Variants in PAH observed in about 807,000 individuals in gnomAD.
PAH encodes phenylalanine hydroxylase.
Under a neutral mutation model 62.0 loss-of-function variants are expected in PAH, and 64 were observed. That is an observed-to-expected ratio of 1.03 (90% CI 0.84 to 1.27). PAH has a LOEUF of 1.27. Ranked by LOEUF, PAH falls within the 50% of genes most tolerant of loss-of-function variation. The probability of loss-of-function intolerance (pLI) is 0.00; values close to 1 mark genes in which losing one functional copy is unlikely to be tolerated. For synonymous variants in PAH, 195 were observed against 196.2 expected, an observed-to-expected ratio of 0.99 and a Z score of 0.05; for missense variants, 579 against 542.8, an observed-to-expected ratio of 1.07 and a Z score of -0.66.
chr12:102,911,954 C>T (rs997781507), intron 2 of PAH, among the ~76,000 whole-genome samples: 5 of 152,180 alleles, frequency 3.3e-5, no homozygotes, highest in South Asian at 2.1e-4. Flanking sequence ...GCATAGTACT[C>T]GGAAGGAATC....
intron 3 of PAH, among the ~76,000 whole-genome samples, chr12:102,888,272 A>T (rs1253597909): frequency 2.0e-5 from 3 of 152,098 alleles, no homozygotes; most frequent in Non-Finnish European, 4.4e-5. Context: ...AACTTGGCCG[A>T]ACAGCTACAG....
At chr12:102,943,977 T>C (rs1879392425) in intron 1 of PAH, among the ~76,000 whole-genome samples, 1 of 152,170 alleles carries the variant, frequency 6.6e-6, no homozygotes, top group Non-Finnish European at 1.5e-5. Context: ...CAAACCCCTG[T>C]GATATAAAAT....
chr12:102,879,419 C>T (rs570263302), intron 3 of PAH, among the ~76,000 whole-genome samples: 1 of 151,620 alleles, frequency 6.6e-6, no homozygotes, highest in Middle Eastern at 3.4e-3. Flanking sequence ...AAATTCCCTC[C>T]GTGATCTAAA....
chr12:102,867,881 A>G (rs867107658), intron 4 of PAH, among the ~76,000 whole-genome samples: 1 of 145,016 alleles, frequency 6.9e-6, no homozygotes, highest in Non-Finnish European at 1.5e-5. Flanking sequence ...GTATATATAC[A>G]TGTATATACA....
Position 102,838,972 on chromosome 12 carries a change from G to T in PAH, c.*203C>A. The T allele has an allele frequency of 1.7e-6, 1 of 594,892 alleles. No homozygotes were observed. Among genetic ancestry groups the T allele is most frequent in the Admixed American group, 2.9e-5 (1 of 34,354 alleles). The allele number at this position is 594,892 out of a possible 1,614,324, so 36.9% of individuals were successfully genotyped here. A position where few individuals can be genotyped will look rare whatever the true frequency, so the allele number is the denominator to read the frequency against. ...CTCTAAATCAAAGATGACCCCAAAA[G>T]ATTTACCATTATGCTCTTGAGTATG... is the stretch of plus-strand genomic sequence containing the variant. On this transcript the variant is annotated 3_prime_UTR_variant, in exon 13 of 13. Coordinates refer to ENST00000553106, the MANE Select transcript of PAH (RefSeq NM_000277.3).
intron 2 of PAH, among the ~76,000 whole-genome samples, chr12:102,899,653 A>T (rs1409426216): frequency 6.6e-6 from 1 of 151,218 alleles, no homozygotes; most frequent in Non-Finnish European, 1.5e-5. Flanking sequence ...AGGTCAGGAG[A>T]TCGAGACCAT....
chr12:102,933,613 C>A (rs1878995044), intron 1 of PAH, among the ~76,000 whole-genome samples: 1 of 151,684 alleles, frequency 6.6e-6, no homozygotes, highest in African/African-American at 2.4e-5. Context: ...AGTTCCTTTG[C>A]CTGTATTTTG....
At chr12:102,924,644 C>G (rs1878639218) in intron 1 of PAH, among the ~76,000 whole-genome samples, 1 of 152,146 alleles carries the variant, frequency 6.6e-6, no homozygotes, top group South Asian at 2.1e-4. Context: ...CAGAAGAAAA[C>G]TTGTTTCCAT....
chr12:102,855,342 A>G lies in PAH; in HGVS notation c.510-10T>C, dbSNP rs1256834291. ...AGGGATGGGCTGCCCACTAGAATAC[A>G]GGCACAAAATAGGTGTCTCAAGCAG... On this transcript the variant is annotated splice_polypyrimidine_tract_variant and intron_variant, in intron 5 of 12. Coordinates refer to ENST00000553106, the MANE Select transcript of PAH (RefSeq NM_000277.3). 4.3e-6 allele frequency: 7 copies of G among 1,613,636 alleles called. No homozygotes were observed. The highest frequency in any genetic ancestry group is 5.9e-6 in the Non-Finnish European group (7 of 1,179,650).
At chr12:102,867,803 TTC>T (rs1031419709) in intron 4 of PAH, among the ~76,000 whole-genome samples, 2 of 148,554 alleles carry the variant, frequency 1.3e-5, no homozygotes, top group African/African-American at 2.5e-5. Flanking sequence ...TGGGAGAGTT[TTC>T]TCTCTCTCTC....
chr12:102,855,909 G>A (rs1386439633), intron 5 of PAH, among the ~76,000 whole-genome samples: 1 of 151,916 alleles, frequency 6.6e-6, no homozygotes, highest in South Asian at 2.1e-4. Context: ...CTGCTCCTGG[G>A]AAGTTATAAA....
intron 5 of PAH, among the ~76,000 whole-genome samples, chr12:102,864,166 G>C (rs1317099143): frequency 6.6e-6 from 1 of 152,174 alleles, no homozygotes; most frequent in East Asian, 1.9e-4. Context: ...AGGGGCAAAG[G>C]TATAGGGAGT....
chr12:102,914,697 T>A (rs556188860), intron 1 of PAH: 1 of 152,372 alleles, frequency 6.6e-6, no homozygotes, highest in East Asian at 1.9e-4. Flanking sequence ...TTGGTAGCAC[T>A]CTTTTCTCCT....
rs776860902 is a variant in PAH, at chr12:102,852,871, G to A, written c.786C>T (p.Val262=). The change falls in exon 7 of 13, where the codon GTC becomes GTT. Residue 262 remains valine, a synonymous_variant. Coordinates refer to ENST00000553106, the MANE Select transcript of PAH (RefSeq NM_000277.3). ...RDFLGGLAFR[V]FHCTQYIRHG... ...GTCTGATGTACTGTGTGCAGTGGAA[G>A]ACTCGGAAGGCCAGGCCACCCAAGA... 2.5e-6 allele frequency: 4 copies of A among 1,613,998 alleles called. No homozygotes were observed. Among genetic ancestry groups the A allele is most frequent in the Non-Finnish European group, 2.5e-6 (3 of 1,180,008 alleles).
At chr12:102,896,306 A>G (rs1877500489) in intron 2 of PAH, among the ~76,000 whole-genome samples, 2 of 152,204 alleles carry the variant, frequency 1.3e-5, no homozygotes, top group Admixed American at 6.5e-5. Context: ...TGGGTTGATG[A>G]GAGTGGATGA....
chr12:102,926,646 A>T (rs1878691638), intron 1 of PAH, among the ~76,000 whole-genome samples: 1 of 152,096 alleles, frequency 6.6e-6, no homozygotes, highest in African/African-American at 2.4e-5. Context: ...GAACTTATCA[A>T]TAATTTTGTG....
chr12:102,857,660 G>A (rs1875501725), intron 5 of PAH, among the ~76,000 whole-genome samples: 1 of 152,216 alleles, frequency 6.6e-6, no homozygotes, highest in South Asian at 2.1e-4. Flanking sequence ...AGAGAGTGGG[G>A]GCCAATATTC....
intron 11 of PAH, 130 bp from the exon 12 acceptor site, chr12:102,840,645 C>A (rs1874555426): frequency 1.4e-6 from 1 of 723,254 alleles, no homozygotes; most frequent in South Asian, 1.5e-5. Flanking sequence ...TCTTCAACAG[C>A]CAGGGCTGAG....
chr12:102,862,405 G>A (rs1429094419), intron 5 of PAH, among the ~76,000 whole-genome samples: 1 of 152,146 alleles, frequency 6.6e-6, no homozygotes, highest in African/African-American at 2.4e-5. Flanking sequence ...GAAGGGTGGA[G>A]GGTGGGAGGA....
Sources: gnomAD v4.1 joint callset for allele counts (sites outside exome capture counted in the v4.1 genomes callset) on GRCh38, gnomAD v4.1.1 for gene constraint, MANE v1.5 for transcripts, NCBI Gene and HGNC (gene_info 2026-07-23, HGNC 2026-07-21) for gene names.